SLC35F1: variants seen among roughly 807,000 people sequenced by gnomAD.
SLC35F1 encodes solute carrier family 35 member F1, also known as chromosome 6 open reading frame 169.
Under a neutral mutation model 48.7 loss-of-function variants are expected in SLC35F1, and 14 were observed. The observed-to-expected ratio is 0.29, with a 90% CI of 0.19 to 0.45. SLC35F1 has a LOEUF of 0.45. Ranked by LOEUF, SLC35F1 falls within the 20% of genes least tolerant of loss-of-function variation. SLC35F1 has a pLI of 1.00. For missense variants in SLC35F1, 404 were observed against 500.0 expected, an observed-to-expected ratio of 0.81 and a Z score of 1.83; for synonymous variants, 190 against 202.2, an observed-to-expected ratio of 0.94 and a Z score of 0.51.
intron 2 of SLC35F1, among the ~76,000 whole-genome samples, chr6:118,231,007 C>T (rs1205162976): frequency 6.6e-6 from 1 of 151,790 alleles, no homozygotes; most frequent in Non-Finnish European, 1.5e-5. Flanking sequence ...AAAACAACAA[C>T]AAAAAAACAA....
intron 7 of SLC35F1, among the ~76,000 whole-genome samples, chr6:118,293,557 A>C (rs387266): frequency 0.66 from 100,649 of 152,054 alleles, 33,913 homozygotes; most frequent in Middle Eastern, 0.77. Flanking sequence ...TCACAGGTTT[A>C]AGGGATTAGG....
chr6:118,144,296 A>G (rs1037299066), intron 1 of SLC35F1, among the ~76,000 whole-genome samples: 2 of 152,186 alleles, frequency 1.3e-5, no homozygotes, highest in Non-Finnish European at 2.9e-5. Context: ...AGGGACATGG[A>G]TGAAGCTAGA....
chr6:118,024,133 A>G (rs568320142), intron 1 of SLC35F1, among the ~76,000 whole-genome samples: 2 of 152,324 alleles, frequency 1.3e-5, no homozygotes, highest in East Asian at 1.9e-4. Context: ...TTTTCATTTT[A>G]TAAGTGAGAA....
rs1776491362 is a variant in SLC35F1 at position 117,961,055 on chromosome 6, G to A, written c.173+53156G>A. On this transcript the variant is annotated intron_variant, in intron 1 of 7. Transcript: ENST00000360388. The stretch of plus-strand genomic sequence containing the variant: ...TATGCAAAAAAAATTTAAAAAAATG[G>A]AATGGAAATCAAAAGGAGAATGTGT... Among the ~76,000 whole-genome samples the A allele has an allele frequency of 2.0e-5, 3 of 152,046 alleles. No individual in the cohort carries two copies. The South Asian group carries it at 6.2e-4, about 32-fold the overall frequency.
intron 7 of SLC35F1, among the ~76,000 whole-genome samples, chr6:118,305,716 G>C (rs1229436434): frequency 1.3e-5 from 2 of 152,066 alleles, no homozygotes; most frequent in Non-Finnish European, 2.9e-5. Context: ...ATATAATAAA[G>C]AGACAAGGGT....
intron 4 of SLC35F1, among the ~76,000 whole-genome samples, chr6:118,273,269 T>C (rs969085445): frequency 6.6e-6 from 1 of 152,194 alleles, no homozygotes; most frequent in African/African-American, 2.4e-5. Flanking sequence ...GTGAGACTAT[T>C]CACTGAAACA....
At chr6:118,114,667 C>G (rs1259084368) in intron 1 of SLC35F1, among the ~76,000 whole-genome samples, 1 of 152,148 alleles carries the variant, frequency 6.6e-6, no homozygotes, top group Non-Finnish European at 1.5e-5. Flanking sequence ...TGAGCTACCG[C>G]GCCTGGCCAG....
intron 3 of SLC35F1, among the ~76,000 whole-genome samples, chr6:118,254,517 A>G (rs900996715): frequency 6.6e-6 from 1 of 152,122 alleles, no homozygotes; most frequent in Non-Finnish European, 1.5e-5. Context: ...CCTGGCTTCA[A>G]GTAATCCTCC....
chr6:118,297,744 A>T (rs1776209350), intron 7 of SLC35F1, among the ~76,000 whole-genome samples: 1 of 30,466 alleles, frequency 3.3e-5, no homozygotes, highest in South Asian at 9.2e-4. Flanking sequence ...TCTGAGAAAT[A>T]TATATATATA....
intron 1 of SLC35F1, among the ~76,000 whole-genome samples, chr6:118,045,780 T>C (rs1309344928): frequency 6.6e-6 from 1 of 152,200 alleles, no homozygotes; most frequent in Non-Finnish European, 1.5e-5. Flanking sequence ...TGAGTCTTAT[T>C]GCGGGGATGG....
intron 1 of SLC35F1, among the ~76,000 whole-genome samples, chr6:118,115,356 A>C (rs1314539632): frequency 6.6e-6 from 1 of 152,204 alleles, no homozygotes; most frequent in African/African-American, 2.4e-5. Flanking sequence ...AGTAGAAGGG[A>C]AATAACAATA....
At chr6:118,085,265 G>C (rs1772970310) in intron 1 of SLC35F1, among the ~76,000 whole-genome samples, 1 of 152,032 alleles carries the variant, frequency 6.6e-6, no homozygotes, top group Admixed American at 6.6e-5. Context: ...TTGCTAGTGT[G>C]GTCCACTTTC....
chr6:118,297,709 A>T (rs1273972430), intron 7 of SLC35F1, among the ~76,000 whole-genome samples: 2 of 138,882 alleles, frequency 1.4e-5, no homozygotes, highest in African/African-American at 5.6e-5. Context: ...ATAAGTTCTG[A>T]GAAATATATA....
chr6:118,310,745 A>G (rs145627105), intron 7 of SLC35F1, among the ~76,000 whole-genome samples: 3,907 of 152,246 alleles, frequency 0.026, 84 homozygotes, highest in Middle Eastern at 0.068. Flanking sequence ...TTCCATATGA[A>G]TTAAATAGAA....
chr6:118,077,464 A>G (rs1772838257), intron 1 of SLC35F1, among the ~76,000 whole-genome samples: 1 of 152,260 alleles, frequency 6.6e-6, no homozygotes, highest in African/African-American at 2.4e-5. Flanking sequence ...GAAAGTTTGT[A>G]AGTTCATTGT....
intron 2 of SLC35F1, among the ~76,000 whole-genome samples, chr6:118,190,780 T>G (rs1774721862): frequency 6.6e-6 from 1 of 152,144 alleles, no homozygotes; most frequent in African/African-American, 2.4e-5. Context: ...CCAAACCACC[T>G]AAAGTCAAAT....
At chr6:118,136,889 G>T (rs2114433693) in intron 1 of SLC35F1, among the ~76,000 whole-genome samples, 1 of 152,298 alleles carries the variant, frequency 6.6e-6, no homozygotes, top group African/African-American at 2.4e-5. Context: ...ATCATGTTCT[G>T]TTCTTCAAAG....
At chr6:118,166,909 C>G (rs1562312509) in intron 2 of SLC35F1, among the ~76,000 whole-genome samples, 1 of 152,140 alleles carries the variant, frequency 6.6e-6, no homozygotes, top group East Asian at 1.9e-4. Context: ...GAGTTTTATA[C>G]TTTTAGTTCT....
At chr6:118,147,552 T>C (rs1404896761) in intron 1 of SLC35F1, among the ~76,000 whole-genome samples, 4 of 152,170 alleles carry the variant, frequency 2.6e-5, no homozygotes, top group Non-Finnish European at 5.9e-5. Context: ...ATATCCTTAT[T>C]TTACATGAAG....
Sources: allele counts gnomAD v4.1 joint callset (sites outside exome capture counted in the v4.1 genomes callset), GRCh38; gene constraint gnomAD v4.1.1; transcripts MANE v1.5; gene names NCBI Gene and HGNC (gene_info 2026-07-23, HGNC 2026-07-21).